The following HDAC5 variants were observed in gnomAD, a reference collection of about 807,000 sequenced individuals.
The protein encoded by HDAC5 is histone deacetylase 5, also known as antigen NY-CO-9.
In HDAC5, 25 loss-of-function variants were observed where a neutral mutation model predicts 133.3. The observed-to-expected ratio is 0.19, with a 90% CI of 0.14 to 0.26. HDAC5 has a LOEUF of 0.26. HDAC5 is among the 10% of genes least tolerant of loss of function. The pLI is 1.00. For missense variants in HDAC5, 1,041 were observed against 1,460.5 expected (o/e 0.71, Z 4.68); for synonymous variants, 589 against 610.8 (o/e 0.96, Z 0.53).
chr17:44,107,248 A>AGT (rs1232173140), intron 3 of HDAC5, among the ~76,000 whole-genome samples: 1 of 152,124 alleles, frequency 6.6e-6, no homozygotes, highest in African/African-American at 2.4e-5. Flanking sequence ...TACCATGTCC[A>AGT]GTAAGTTCCT....
At chr17:44,092,560 GCACAGCAGCA>G in intron 7 of HDAC5, 33 bp from the exon 8 acceptor site, 1 of 1,595,594 alleles carries the variant, frequency 6.3e-7, no homozygotes, top group Non-Finnish European at 8.6e-7. Flanking sequence ...TCAGATACGC[GCACAGCAGCA>G]CACATCTGCA....
chr17:44,081,026 A>G, intron 20 of HDAC5, 144 bp from the exon 21 acceptor site: 1 of 1,060,268 alleles, frequency 9.4e-7, no homozygotes, highest in South Asian at 1.5e-5. Context: ...GCTTGAGCCC[A>G]GGACTCCACC....
chr17:44,084,205 G>A (rs1486888875), intron 16 of HDAC5, among the ~76,000 whole-genome samples: 1 of 152,016 alleles, frequency 6.6e-6, no homozygotes, highest in Non-Finnish European at 1.5e-5. Context: ...GTACAAGACA[G>A]GCCTCTGCAG....
Position 44,088,345 on chromosome 17 carries a change from G to GCC in HDAC5, c.1599+40_1599+41dup, listed in dbSNP as rs771393014. On this transcript the variant is annotated intron_variant, in intron 12 of 26. Coordinates refer to ENST00000682912, the MANE Select transcript of HDAC5 (RefSeq NM_005474.5). ...CCAGCCTGGTACTCTCCTGTGTCCTGCCCCCACCACAGCCCCAGGCCATTC... is the reference window on the plus strand; with the variant it reads ...CCAGCCTGGTACTCTCCTGTGTCCTGCCCCCCCACCACAGCCCCAGGCCATTC... 1.5e-5 allele frequency: 23 copies of GCC among 1,537,942 alleles called. No individual in the cohort carries two copies. The South Asian group carries it at 2.5e-4, about 17-fold the overall frequency.
intron 3 of HDAC5, among the ~76,000 whole-genome samples, chr17:44,095,057 A>G (rs1417444055): frequency 6.6e-6 from 1 of 152,136 alleles, no homozygotes; most frequent in East Asian, 1.9e-4. Flanking sequence ...AGCCTCCCAA[A>G]GTGCTGGGAT....
At chr17:44,118,007 T>C (rs534921711) in intron 1 of HDAC5, among the ~76,000 whole-genome samples, 1 of 152,298 alleles carries the variant, frequency 6.6e-6, no homozygotes, top group South Asian at 2.1e-4. Context: ...GTGCCTGCCA[T>C]GGGACTAGGT....
At position 44,078,485 on chromosome 17, in the gene HDAC5, CG is replaced by C; in HGVS notation, c.3329+14del. On this transcript the variant is annotated intron_variant, in intron 26 of 26. Coordinates refer to ENST00000682912, the MANE Select transcript of HDAC5 (RefSeq NM_005474.5). ...CAGGGGTGAGGGCAGAGAGGTGGTG[CG>C]GGTTGCTGCTTACCTGGGGCTGTGT... 1 of 1,597,656 alleles carries C rather than the reference CG, an allele frequency of 6.3e-7. No individual in the cohort carries two copies. Among genetic ancestry groups the C allele is most frequent in the Non-Finnish European group, 8.5e-7 (1 of 1,170,840 alleles).
intron 2 of HDAC5, chr17:44,111,203 G>A (rs2052319861): frequency 3.2e-6 from 1 of 312,234 alleles, no homozygotes; most frequent in East Asian, 7.8e-5. Context: ...ACAGCTCTGG[G>A]CCCGGCTCCC....
Position 44,091,388 on chromosome 17 carries a change from A to G in HDAC5, c.1269T>C (p.Ile423=). 6.3e-7 allele frequency: 1 copy of G among 1,585,010 alleles called. No individual in the cohort carries two copies. The highest frequency in any genetic ancestry group is 8.6e-7 in the Non-Finnish European group (1 of 1,165,926). ...LTGKFMSTSS[I]PGCLLGVALE... is the part of the protein sequence containing the mutation. Reference sequence around the variant, plus strand: ...GTGCCACGCCCAGCAGGCAGCCAGGAATAGAGGATGTGCTCATGAACTTGC... The same window carrying G: ...GTGCCACGCCCAGCAGGCAGCCAGGGATAGAGGATGTGCTCATGAACTTGC... Residue 423 remains isoleucine (I), a synonymous_variant, in exon 11 of 27, where the codon ATT becomes ATC. Coordinates refer to ENST00000682912, the MANE Select transcript of HDAC5 (RefSeq NM_005474.5).
At chr17:44,114,435 C>T (rs1045605219) in intron 2 of HDAC5, among the ~76,000 whole-genome samples, 44 of 137,414 alleles carry the variant, frequency 3.2e-4, no homozygotes, top group Admixed American at 8.5e-4. Context: ...AGAGAGCAGG[C>T]GTGGGGGGGG....
In HDAC5 at chr17:44,076,927, G is replaced by C. The variant is rs1441725565; in HGVS notation, c.*1449C>G. 1 of 157,750 alleles carries C rather than the reference G, an allele frequency of 6.3e-6. No individual in the cohort carries two copies. The highest frequency in any genetic ancestry group is 1.4e-5 in the Non-Finnish European group (1 of 71,288). The allele number at this position is 157,750 out of a possible 1,614,324, so 9.8% of individuals were successfully genotyped here. ...CCGGGAGCCTGGGGCTCAGCACAGA[G>C]AGGCCTAGTACACTGAGCCTGGCCC... On this transcript the variant is annotated 3_prime_UTR_variant, in exon 27 of 27. Transcript: ENST00000682912.
intron 3 of HDAC5, among the ~76,000 whole-genome samples, chr17:44,107,531 C>A (rs2052037433): frequency 1.3e-5 from 2 of 150,742 alleles, no homozygotes; most frequent in Admixed American, 1.3e-4. Flanking sequence ...TCGCTTGAAC[C>A]CAGGAGGTGG....
At position 44,092,816 on chromosome 17, in the gene HDAC5, GGGGGGGGT is replaced by G; in HGVS notation, c.642-18_642-11del. 2 of 860,746 alleles carry G rather than the reference GGGGGGGGT, an allele frequency of 2.3e-6. No homozygotes were observed. The highest frequency in any genetic ancestry group is 3.5e-6 in the Non-Finnish European group (2 of 564,374). 53.3% of individuals were successfully genotyped at this position (860,746 alleles called of 1,614,324 possible). ...AGCATGGTGGGCTCCCCTGGGGTGG[GGGGGGGGT>G]GGGGATGGAAGCAGATCTAGGTTAT... On this transcript the variant is annotated splice_polypyrimidine_tract_variant and intron_variant, in intron 6 of 26. Coordinates refer to ENST00000682912, the MANE Select transcript of HDAC5 (RefSeq NM_005474.5).
intron 2 of HDAC5, among the ~76,000 whole-genome samples, chr17:44,116,741 A>G (rs80102579): frequency 0.077 from 11,762 of 152,150 alleles, 574 homozygotes; most frequent in African/African-American, 0.13. Flanking sequence ...AGCTCAGGCC[A>G]CTAGAACACA....
At chr17:44,087,833 G>A (rs2050743177) in intron 12 of HDAC5, 137 bp from the exon 13 acceptor site, 1 of 1,100,156 alleles carries the variant, frequency 9.1e-7, no homozygotes, top group African/African-American at 1.6e-5. Flanking sequence ...AGGTGAGGTA[G>A]CTCCTCTGAG....
At position 44,087,709 on chromosome 17, in the gene HDAC5, T is replaced by C; in HGVS notation, c.1600-13A>G. 6.4e-7 allele frequency: 1 copy of C among 1,559,546 alleles called. No individual in the cohort carries two copies. The highest frequency in any genetic ancestry group is 8.7e-7 in the Non-Finnish European group (1 of 1,151,006). ...TCTTGGTGAGGATCTGATAACAGAA[T>C]ATGGGGGCACATCAGCTGGGAGTTG... On this transcript the variant is annotated splice_polypyrimidine_tract_variant and intron_variant, in intron 12 of 26. Coordinates refer to ENST00000682912, the MANE Select transcript of HDAC5 (RefSeq NM_005474.5).
Position 44,078,673 on chromosome 17 carries a change from C to T in HDAC5, c.3164-8G>A, listed in dbSNP as rs372567294. On this transcript the variant is annotated splice_polypyrimidine_tract_variant and splice_region_variant and intron_variant, in intron 25 of 26. Coordinates refer to ENST00000682912, the MANE Select transcript of HDAC5 (RefSeq NM_005474.5). ...CACAGCTCCAGTGTTTGCCTGTGGA[C>T]GAGAGACAGGCAAGGGGTCAGGGAG... 1.4e-4 allele frequency: 224 copies of T among 1,604,112 alleles called. No homozygotes were observed. Among genetic ancestry groups the T allele is most frequent in the Non-Finnish European group, 1.8e-4 (206 of 1,177,112 alleles).
At chr17:44,099,249 A>T (rs1380873467) in intron 3 of HDAC5, among the ~76,000 whole-genome samples, 1 of 152,172 alleles carries the variant, frequency 6.6e-6, no homozygotes, top group Non-Finnish European at 1.5e-5. Context: ...CACCTCCTGC[A>T]GAGGTCAGAG....
Position 44,082,608 on chromosome 17 carries a change from C to G in HDAC5, c.2584G>C (p.Gly862Arg). 6.2e-7 allele frequency: 1 copy of G among 1,614,134 alleles called. No homozygotes were observed. Among genetic ancestry groups the G allele is most frequent in the Non-Finnish European group, 8.5e-7 (1 of 1,179,992 alleles). The stretch of plus-strand genomic sequence containing the variant: ...ACCCAGTCCACGATGAGGACCTTGC[C>G]CACGTTCAACTTCTGCTGTAGGAGT... ...AKLLQQKLNVGKVLIVDWDIH... is the reference protein window; with the variant it reads ...AKLLQQKLNVRKVLIVDWDIH... The change falls in exon 20 of 27, where the codon GGC (glycine) becomes CGC (arginine). Residue 862 changes from glycine (G) to arginine (R), a missense_variant. By Grantham distance (125) the Gly-to-Arg change is moderately radical (BLOSUM62 -2). Transcript: ENST00000682912.
Sources: allele counts gnomAD v4.1 joint callset (sites outside exome capture counted in the v4.1 genomes callset), GRCh38; gene constraint gnomAD v4.1.1; transcripts MANE v1.5; gene names NCBI Gene and HGNC (gene_info 2026-07-23, HGNC 2026-07-21).